C11orf58: variants seen among roughly 807,000 people sequenced by gnomAD.
The protein encoded by C11orf58 is chromosome 11 open reading frame 58, also known as small acidic protein.
Under a neutral mutation model 22.7 loss-of-function variants are expected in C11orf58, and 5 were observed. The observed-to-expected ratio is 0.22, with a 90% CI of 0.12 to 0.46. The LOEUF is 0.46. Among genes scored for constraint, C11orf58 ranks in the 20% least tolerant of loss-of-function variants. The probability of loss-of-function intolerance (pLI) is 0.99; values close to 1 mark genes in which losing one functional copy is unlikely to be tolerated. For synonymous variants in C11orf58, 71 were observed against 70.7 expected, an observed-to-expected ratio of 1.00 and a Z score of -0.02; for missense variants, 151 against 223.3, an observed-to-expected ratio of 0.68 and a Z score of 2.06.
rs762768272 is a variant in C11orf58 at position 16,754,913 on chromosome 11, G to A, written c.361G>A (p.Asp121Asn). 6.2e-7 allele frequency: 1 copy of A among 1,614,080 alleles called. No individual in the cohort carries two copies. Among genetic ancestry groups the A allele is most frequent in the East Asian group, 2.2e-5 (1 of 44,876 alleles). ...DGEGDVAGDD[D>N]DDDDDSPDPE... ...AGAAGGTGATGTGGCTGGAGATGAT[G>A]ATGATGACGATGATGATTCACCTGA... Residue 121 changes from aspartate to asparagine, a missense_variant, in exon 5 of 5, where the codon GAT (aspartate) becomes AAT (asparagine). Around this residue, in one of 3 missense-constraint regions of C11orf58, gnomAD observed 112 missense variants for 162.6 expected, o/e 0.69. Coordinates refer to ENST00000228136, the MANE Select transcript of C11orf58 (RefSeq NM_014267.6).
chr11:16,754,961 G>C lies in C11orf58; in HGVS notation c.409G>C (p.Glu137Gln). 6.2e-7 allele frequency: 1 copy of C among 1,614,120 alleles called. No homozygotes were observed. Reference protein sequence around the residue: ...SPDPESPDDSESDSESEKEES... With the variant: ...SPDPESPDDSQSDSESEKEES... Reference sequence around the variant, plus strand: ...TGATCCTGAAAGTCCAGATGATTCTGAAAGCGATTCAGAGTCAGAGAAAGA... The same window carrying C: ...TGATCCTGAAAGTCCAGATGATTCTCAAAGCGATTCAGAGTCAGAGAAAGA... The change falls in exon 5 of 5, where the codon GAA becomes CAA. Residue 137 changes from glutamate to glutamine, a missense_variant. Physicochemically the swap from Glu to Gln is conservative, Grantham distance 29. Transcript: ENST00000228136.
chr11:16,745,786 A>C (rs2134070247), intron 2 of C11orf58, among the ~76,000 whole-genome samples: 1 of 152,352 alleles, frequency 6.6e-6, no homozygotes, highest in East Asian at 1.9e-4. Flanking sequence ...TAGTTTTTGT[A>C]AGCAAGTAAA....
intron 3 of C11orf58, chr11:16,749,813 AAT>A (rs2134072610): frequency 6.6e-6 from 1 of 152,336 alleles, no homozygotes; most frequent in Non-Finnish European, 1.5e-5. Context: ...GACCGTAATC[AAT>A]CAACTGCTTG....
chr11:16,751,778 G>A (rs1028731585), intron 3 of C11orf58: 6 of 152,200 alleles, frequency 3.9e-5, no homozygotes, highest in Non-Finnish European at 8.8e-5. Flanking sequence ...CCACGAAAGA[G>A]CCCCGAACTG....
chr11:16,756,176 T>A lies in C11orf58; in HGVS notation c.*1072T>A, dbSNP rs894953435. ...GGTCCAAATTCTTAATGTTTATAAGTAACAAGTTCAAAGGCTTTAGTCACA... is the reference window on the plus strand; with the variant it reads ...GGTCCAAATTCTTAATGTTTATAAGAAACAAGTTCAAAGGCTTTAGTCACA... On this transcript the variant is annotated 3_prime_UTR_variant, in exon 5 of 5. Coordinates refer to ENST00000228136, the MANE Select transcript of C11orf58 (RefSeq NM_014267.6). 1.3e-5 allele frequency: 2 copies of A among 151,978 alleles called. No homozygotes were observed. The highest frequency in any genetic ancestry group is 1.5e-5 in the Non-Finnish European group (1 of 68,012). 9.4% of individuals were successfully genotyped at this position (151,978 alleles called of 1,614,324 possible).
intron 4 of C11orf58, among the ~76,000 whole-genome samples, chr11:16,753,356 AC>A (rs1316194446): frequency 6.6e-6 from 1 of 151,690 alleles, no homozygotes; most frequent in Non-Finnish European, 1.5e-5. Flanking sequence ...GGTGTGAGCC[AC>A]CATACCCGGC....
At chr11:16,752,480 TTC>T (rs1234928402) in intron 3 of C11orf58, 1 of 180,994 alleles carries the variant, frequency 5.5e-6, no homozygotes, top group Non-Finnish European at 1.1e-5. Flanking sequence ...AGATAGATAA[TTC>T]TGTTTGTTAG....
chr11:16,739,864 C>T (rs1311618222), intron 1 of C11orf58, among the ~76,000 whole-genome samples: 1 of 152,070 alleles, frequency 6.6e-6, no homozygotes, highest in African/African-American at 2.4e-5. Context: ...CATTTCAACG[C>T]TCTTCATAAA....
At chr11:16,740,441 C>G (rs147903939) in intron 1 of C11orf58, among the ~76,000 whole-genome samples, 16 of 152,186 alleles carry the variant, frequency 1.1e-4, no homozygotes, top group African/African-American at 3.9e-4. Context: ...CTCTGTCGCC[C>G]AGGCTGGAGT....
At chr11:16,739,706 T>C (rs1342457413) in intron 1 of C11orf58, 1 of 152,108 alleles carries the variant, frequency 6.6e-6, no homozygotes, top group Non-Finnish European at 1.5e-5. Context: ...TGGATAAGTG[T>C]CTTGGCAACG....
intron 1 of C11orf58, among the ~76,000 whole-genome samples, chr11:16,742,898 A>G (rs887137662): frequency 3.3e-5 from 5 of 152,110 alleles, no homozygotes; most frequent in Admixed American, 6.6e-5. Flanking sequence ...AATCTTGCAT[A>G]CTCAAGTTCT....
chr11:16,758,183 C>G lies in C11orf58; in HGVS notation c.*3079C>G, dbSNP rs1029461583. Among the ~76,000 whole-genome samples, 10 of 152,016 alleles carry G rather than the reference C, an allele frequency of 6.6e-5. No homozygotes were observed. The highest frequency in any genetic ancestry group is 4.4e-5 in the Non-Finnish European group (3 of 68,034). On this transcript the variant is annotated 3_prime_UTR_variant, in exon 5 of 5. Coordinates refer to ENST00000228136, the MANE Select transcript of C11orf58 (RefSeq NM_014267.6). ...CCTCTGTAAGTCCTATCTAGGCTTCCTGATCTATCAATTCAGTATCATGAT... is the reference window on the plus strand; with the variant it reads ...CCTCTGTAAGTCCTATCTAGGCTTCGTGATCTATCAATTCAGTATCATGAT...
At chr11:16,739,071 G>A (rs1848421430) in intron 1 of C11orf58, among the ~76,000 whole-genome samples, 2 of 152,124 alleles carry the variant, frequency 1.3e-5, no homozygotes, top group Non-Finnish European at 2.9e-5. Context: ...GGGGATTGAG[G>A]AAGGAAATTC....
intron 2 of C11orf58, among the ~76,000 whole-genome samples, chr11:16,745,503 T>G (rs1564883569): frequency 6.6e-6 from 1 of 152,196 alleles, no homozygotes; most frequent in Non-Finnish European, 1.5e-5. Flanking sequence ...ATCAAGAAAA[T>G]TATAAGGAAG....
At chr11:16,748,263 T>C in intron 3 of C11orf58, 106 bp downstream of exon 3, 1 of 931,402 alleles carries the variant, frequency 1.1e-6, no homozygotes, top group Non-Finnish European at 1.7e-6. Flanking sequence ...TGTAAATTAT[T>C]AAAATATTAT....
At chr11:16,749,937 T>C (rs1218704279) in intron 3 of C11orf58, 3 of 152,192 alleles carry the variant, frequency 2.0e-5, no homozygotes, top group Non-Finnish European at 4.4e-5. Flanking sequence ...CCATTACTTA[T>C]TTACCACTTC....
intron 4 of C11orf58, among the ~76,000 whole-genome samples, chr11:16,753,720 T>C (rs1186686593): frequency 6.6e-6 from 1 of 152,068 alleles, no homozygotes; most frequent in East Asian, 1.9e-4. Flanking sequence ...AAAATTCTGC[T>C]TAATCATTAG....
In C11orf58 at chr11:16,752,452, T is replaced by G. The variant is rs574673051; in HGVS notation, c.209-333T>G. 7.9e-5 allele frequency: 13 copies of G among 164,526 alleles called. No homozygotes were observed. In the South Asian group the frequency reaches 2.4e-3, roughly 30 times the overall value. 10.2% of individuals were successfully genotyped at this position (164,526 alleles called of 1,614,324 possible). ...TGCTGAACAGAAGTGCCTAGCTTTT[T>G]TCACTGTTTTTGTTCAAAGATAGAT... On this transcript the variant is annotated intron_variant, in intron 3 of 4. Transcript: ENST00000228136.
At position 16,757,391 on chromosome 11, in the gene C11orf58, T is replaced by A. The variant is rs1322556362; in HGVS notation, c.*2287T>A. On this transcript the variant is annotated 3_prime_UTR_variant, in exon 5 of 5. Transcript: ENST00000228136. ...TTTAAAATAACTACACTAAAAGACTTTCTTCATCTCCGTATAGAGAAATCC... is the reference window on the plus strand; with the variant it reads ...TTTAAAATAACTACACTAAAAGACTATCTTCATCTCCGTATAGAGAAATCC... 6.6e-6 allele frequency among the ~76,000 whole-genome samples: 1 copy of A among 152,204 alleles called. No homozygotes were observed. The highest frequency in any genetic ancestry group is 1.5e-5 in the Non-Finnish European group (1 of 68,036).
Sources: allele counts gnomAD v4.1 joint callset (sites outside exome capture counted in the v4.1 genomes callset), GRCh38; gene constraint gnomAD v4.1.1; regional missense constraint gnomAD v4.1.1; transcripts MANE v1.5; gene names NCBI Gene and HGNC (gene_info 2026-07-23, HGNC 2026-07-21).